SUMF1: variants seen among roughly 807,000 people sequenced by gnomAD.
The protein encoded by SUMF1 is sulfatase modifying factor 1.
In SUMF1, 48 loss-of-function variants were observed where a neutral mutation model predicts 47.6. The observed-to-expected ratio is 1.01, with a 90% CI of 0.80 to 1.28. SUMF1 has a LOEUF of 1.28. SUMF1 is among the 50% of genes most tolerant of loss of function. The probability of loss-of-function intolerance (pLI) is 0.00; values close to 1 mark genes in which losing one functional copy is unlikely to be tolerated. For synonymous variants in SUMF1, 230 were observed against 192.1 expected, an observed-to-expected ratio of 1.20 and a Z score of -1.63; for missense variants, 571 against 485.4, an observed-to-expected ratio of 1.18 and a Z score of -1.66.
chr3:4,238,212 C>T (rs544566756), intron 8 of SUMF1, among the ~76,000 whole-genome samples: 54 of 152,206 alleles, frequency 3.5e-4, no homozygotes, highest in Non-Finnish European at 7.2e-4. Flanking sequence ...CAAGTCTTTG[C>T]TTTTGTGAAC....
At chr3:4,265,885 C>CCAT (rs1697183646) in intron 8 of SUMF1, among the ~76,000 whole-genome samples, 2 of 152,060 alleles carry the variant, frequency 1.3e-5, no homozygotes, top group Admixed American at 6.6e-5. Context: ...AATCTTTAAT[C>CCAT]CATCTTGAAT....
At chr3:4,132,378 C>A (rs905441808) in intron 8 of SUMF1, among the ~76,000 whole-genome samples, 3 of 152,060 alleles carry the variant, frequency 2.0e-5, no homozygotes, top group Admixed American at 2.0e-4. Context: ...GTGGAATGGC[C>A]TTTTGAAGTC....
At chr3:4,135,354 C>G (rs1468026545) in intron 8 of SUMF1, among the ~76,000 whole-genome samples, 1 of 152,022 alleles carries the variant, frequency 6.6e-6, no homozygotes, top group African/African-American at 2.4e-5. Context: ...AGCATATAAA[C>G]AGAATAAAAG....
chr3:4,250,252 A>G (rs1201984011), intron 8 of SUMF1, among the ~76,000 whole-genome samples: 1 of 143,438 alleles, frequency 7.0e-6, no homozygotes, highest in Non-Finnish European at 1.5e-5. Context: ...GGGAGAGGGA[A>G]AGGAAAAGGG....
intron 8 of SUMF1, among the ~76,000 whole-genome samples, chr3:4,108,646 C>G (rs1042071173): frequency 9.2e-5 from 14 of 152,076 alleles, no homozygotes; most frequent in Non-Finnish European, 1.6e-4. Flanking sequence ...GTTAGCTCTT[C>G]TTGTTGAATT....
Position 4,084,812 on chromosome 3 carries a change from T to A in SUMF1, c.1015-16067A>T, listed in dbSNP as rs1290577304. ...AAGGGTATGATTAAAATTCCTAGAG[T>A]TTAGAAAAACATTGTGTGGTTATCT... On this transcript the variant is annotated intron_variant and NMD_transcript_variant, in intron 8 of 12. Coordinates refer to the SUMF1 transcript ENST00000448413. 2.6e-5 allele frequency among the ~76,000 whole-genome samples: 4 copies of A among 152,052 alleles called. No homozygotes were observed. In the East Asian group the frequency reaches 7.7e-4, roughly 29 times the overall value.
intron 8 of SUMF1, among the ~76,000 whole-genome samples, chr3:4,328,599 A>G (rs750319353): frequency 6.6e-5 from 10 of 152,052 alleles, no homozygotes; most frequent in Non-Finnish European, 1.2e-4. Flanking sequence ...CCATGATTCA[A>G]TTTTCTCCAC....
chr3:4,039,886 G>A lies in SUMF1; in HGVS notation c.1191+28683C>T, dbSNP rs529601750. ...AAAAATTTTCAAATTCACTGGACAC[G>A]GTGGCATATACCTATAATTTCAGCT... On this transcript the variant is annotated intron_variant and NMD_transcript_variant, in intron 9 of 12. Transcript: ENST00000448413. Among the ~76,000 whole-genome samples, 9 of 152,138 alleles carry A rather than the reference G, an allele frequency of 5.9e-5. No individual in the cohort carries two copies. In the South Asian group the frequency reaches 8.3e-4, roughly 14 times the overall value.
chr3:4,238,890 G>C (rs1401203947), intron 8 of SUMF1, among the ~76,000 whole-genome samples: 1 of 152,098 alleles, frequency 6.6e-6, no homozygotes, highest in African/African-American at 2.4e-5. Context: ...TTTTCTTCCA[G>C]GGCTTTTATG....
intron 8 of SUMF1, among the ~76,000 whole-genome samples, chr3:4,123,926 G>C (rs1447254081): frequency 1.3e-5 from 2 of 152,142 alleles, no homozygotes; most frequent in African/African-American, 4.8e-5. Context: ...ATCCGTGTGA[G>C]TGTTTATGTC....
At chr3:4,412,314 G>C (rs943337002) in intron 6 of SUMF1, among the ~76,000 whole-genome samples, 1 of 152,192 alleles carries the variant, frequency 6.6e-6, no homozygotes, top group Non-Finnish European at 1.5e-5. Context: ...TAGGGTAAGA[G>C]AGGGAAATAA....
At chr3:4,083,902 T>A (rs945870950) in intron 8 of SUMF1, among the ~76,000 whole-genome samples, 2 of 151,986 alleles carry the variant, frequency 1.3e-5, no homozygotes, top group African/African-American at 4.8e-5. Flanking sequence ...CCAAATGTTA[T>A]CGTGTTTCTC....
intron 8 of SUMF1, among the ~76,000 whole-genome samples, chr3:4,330,451 T>C (rs939007890): frequency 3.3e-5 from 5 of 152,206 alleles, no homozygotes; most frequent in African/African-American, 1.2e-4. Flanking sequence ...ATGCACGTCT[T>C]ACATGGTGGC....
Position 4,262,243 on chromosome 3 carries a change from C to T in SUMF1, c.1014+114087G>A, listed in dbSNP as rs188625586. Among the ~76,000 whole-genome samples the T allele has an allele frequency of 4.0e-3, 609 of 152,166 alleles. 8 individuals are homozygous for T. The highest frequency in any genetic ancestry group is 2.1e-3 in the Non-Finnish European group (143 of 68,002). ...GAAGCACATTGCTCAGCACAACCTCCGAAGTGTGATGGAGAGAGCTGGGCC... is the reference window on the plus strand; with the variant it reads ...GAAGCACATTGCTCAGCACAACCTCTGAAGTGTGATGGAGAGAGCTGGGCC... On this transcript the variant is annotated intron_variant and NMD_transcript_variant, in intron 8 of 12. Transcript: ENST00000448413.
downstream of SUMF1, among the ~76,000 whole-genome samples, chr3:4,359,827 G>A (rs1322263358): frequency 3.9e-5 from 6 of 151,924 alleles, no homozygotes; most frequent in South Asian, 6.2e-4. Flanking sequence ...GGGTGGGGAC[G>A]CAGTCAAACC....
At chr3:4,132,336 C>T (rs637616) in intron 8 of SUMF1, among the ~76,000 whole-genome samples, 109,076 of 151,778 alleles carry the variant, frequency 0.72, 39,367 homozygotes, top group Admixed American at 0.77. Context: ...TCATGTTCCC[C>T]ATCATTCTGA....
chr3:4,367,013 C>T (rs1395126454), intron 8 of SUMF1, among the ~76,000 whole-genome samples: 11 of 152,280 alleles, frequency 7.2e-5, no homozygotes, highest in African/African-American at 2.6e-4. Context: ...GTGTCAGCGG[C>T]GGTGGCTGCA....
At chr3:4,220,048 A>C (rs1696026919) in intron 8 of SUMF1, among the ~76,000 whole-genome samples, 1 of 152,180 alleles carries the variant, frequency 6.6e-6, no homozygotes, top group Non-Finnish European at 1.5e-5. Context: ...GATGGGAGGG[A>C]AAGAGTAAAC....
chr3:4,183,893 A>G (rs1490434465), intron 8 of SUMF1, among the ~76,000 whole-genome samples: 1 of 152,106 alleles, frequency 6.6e-6, no homozygotes, highest in African/African-American at 2.4e-5. Context: ...AATGGCAATT[A>G]GGGAGGTGGG....
Sources: allele counts gnomAD v4.1 joint callset (sites outside exome capture counted in the v4.1 genomes callset), GRCh38; gene constraint gnomAD v4.1.1; transcripts MANE v1.5; gene names NCBI Gene and HGNC (gene_info 2026-07-23, HGNC 2026-07-21).